Variants in ADAMTSL1 observed in about 807,000 individuals in gnomAD.
The protein encoded by ADAMTSL1 is ADAMTS like 1, also known as ADAMTS-like protein 1.
Under a neutral mutation model 201.8 loss-of-function variants are expected in ADAMTSL1, and 126 were observed. That is an observed-to-expected ratio of 0.62 (90% confidence interval 0.54 to 0.72). ADAMTSL1 has a LOEUF of 0.72. Among genes scored for constraint, ADAMTSL1 ranks in the 30% least tolerant of loss-of-function variants. The pLI, the probability that ADAMTSL1 is intolerant of heterozygous loss-of-function variation, is 0.00. For synonymous variants in ADAMTSL1, 1,121 were observed against 903.4 expected (o/e 1.24, Z -4.32); for missense variants, 2,679 against 2,277.8 (o/e 1.18, Z -3.59).
At chr9:18,220,611 A>G (rs1830220062) in intron 2 of ADAMTSL1, among the ~76,000 whole-genome samples, 1 of 152,076 alleles carries the variant, frequency 6.6e-6, no homozygotes, top group Non-Finnish European at 1.5e-5. Flanking sequence ...GTAGTTGTGA[A>G]TACTGGCATG....
At chr9:18,473,584 CAA>C (rs1342110620), upstream of ADAMTSL1, among the ~76,000 whole-genome samples, 5 of 151,984 alleles carry the variant, frequency 3.3e-5, no homozygotes, top group African/African-American at 1.2e-4. Context: ...TTTTGCAAGT[CAA>C]GAGAGAAAGT....
chr9:18,381,755 A>G (rs147501792), intron 2 of ADAMTSL1, among the ~76,000 whole-genome samples: 11 of 152,224 alleles, frequency 7.2e-5, no homozygotes, highest in Non-Finnish European at 1.6e-4. Flanking sequence ...AAAACTATGT[A>G]TCACCGAGAA....
At chr9:18,527,148 A>T (rs928890429) in intron 2 of ADAMTSL1, among the ~76,000 whole-genome samples, 10 of 152,182 alleles carry the variant, frequency 6.6e-5, no homozygotes, top group Admixed American at 5.2e-4. Context: ...AGCAAAAAGA[A>T]AAAAACCAGA....
chr9:18,076,848 T>TAGG (rs1823251751), intron 1 of ADAMTSL1, among the ~76,000 whole-genome samples: 2 of 151,752 alleles, frequency 1.3e-5, no homozygotes, highest in Non-Finnish European at 2.9e-5. Flanking sequence ...TGGCAGAAAA[T>TAGG]AGGAGGAAAA....
At chr9:18,892,770 T>G (rs1408555044) in intron 26 of ADAMTSL1, among the ~76,000 whole-genome samples, 174 bp downstream of exon 26, 2 of 152,190 alleles carry the variant, frequency 1.3e-5, no homozygotes, top group Non-Finnish European at 2.9e-5. Context: ...CAGCAGGCTT[T>G]TAATTCTTTG....
chr9:18,504,659 CT>C (rs1315820472), intron 1 of ADAMTSL1, among the ~76,000 whole-genome samples, 169 bp from the exon 2 acceptor site: 2 of 152,202 alleles, frequency 1.3e-5, no homozygotes, highest in African/African-American at 2.4e-5. Flanking sequence ...ATCCCTCCCC[CT>C]GAACATATAG....
At chr9:18,574,983 G>T (rs1233474269) in intron 4 of ADAMTSL1, among the ~76,000 whole-genome samples, 1 of 152,114 alleles carries the variant, frequency 6.6e-6, no homozygotes, top group Non-Finnish European at 1.5e-5. Flanking sequence ...GGAGCAAGCA[G>T]TTGCTATTGT....
chr9:18,260,229 T>C (rs573337077), intron 2 of ADAMTSL1, among the ~76,000 whole-genome samples: 50 of 152,358 alleles, frequency 3.3e-4, no homozygotes, highest in African/African-American at 1.1e-3. Flanking sequence ...TGCTGAGTCT[T>C]CTACCCACTG....
In ADAMTSL1 at chr9:17,999,993, C is replaced by G. The variant is rs548744508; in HGVS notation, c.87+93071C>G. Reference sequence around the variant, plus strand: ...TGTATATGTGCCACATTTTCTTAATCCAGTCTATCATTGTTGGACATTTGG... The same window carrying G: ...TGTATATGTGCCACATTTTCTTAATGCAGTCTATCATTGTTGGACATTTGG... On this transcript the variant is annotated intron_variant, in intron 1 of 29. Transcript: ENST00000680146. 2.8e-4 allele frequency among the ~76,000 whole-genome samples: 40 copies of G among 145,090 alleles called. No homozygotes were observed. In the East Asian group the frequency reaches 7.2e-3, roughly 26 times the overall value.
At chr9:18,349,664 A>G (rs1835878066) in intron 2 of ADAMTSL1, among the ~76,000 whole-genome samples, 1 of 152,140 alleles carries the variant, frequency 6.6e-6, no homozygotes, top group South Asian at 2.1e-4. Flanking sequence ...AGCTTTAGAA[A>G]ATTACACCTA....
chr9:17,984,995 G>T (rs1005264646), intron 1 of ADAMTSL1, among the ~76,000 whole-genome samples: 6 of 152,130 alleles, frequency 3.9e-5, no homozygotes, highest in African/African-American at 1.4e-4. Context: ...AGCTTTGTGA[G>T]AGCAGAATAG....
At chr9:17,945,557 G>T (rs1458539278) in intron 1 of ADAMTSL1, among the ~76,000 whole-genome samples, 1 of 151,950 alleles carries the variant, frequency 6.6e-6, no homozygotes, top group Non-Finnish European at 1.5e-5. Context: ...CAAAGACTTG[G>T]AACCAACCCA....
chr9:18,799,806 G>C (rs1270262918), intron 20 of ADAMTSL1, among the ~76,000 whole-genome samples: 1 of 152,132 alleles, frequency 6.6e-6, no homozygotes, highest in Non-Finnish European at 1.5e-5. Flanking sequence ...AGAGATCACA[G>C]AAACCTCACT....
chr9:18,817,187 C>T lies in ADAMTSL1; in HGVS notation c.3884C>T (p.Thr1295Ile). ...GCAGTCACAGTCGATATAGGAAGCA[C>T]CATCAAAACAGTGCAGGGAGTGAAT... ...KPAVTVDIGS[T>I]IKTVQGVNVT... The change falls in exon 21 of 29, where the codon ACC becomes ATC. Residue 1295 changes from threonine to isoleucine, a missense_variant. Transcript: ENST00000380548. 2 of 1,576,302 alleles carry T rather than the reference C, an allele frequency of 1.3e-6. No individual in the cohort carries two copies. Among genetic ancestry groups the T allele is most frequent in the Non-Finnish European group, 1.7e-6 (2 of 1,160,118 alleles).
chr9:18,607,702 T>C lies in ADAMTSL1; in HGVS notation c.475-14541T>C, dbSNP rs867865342. On this transcript the variant is annotated intron_variant, in intron 4 of 28. Coordinates refer to ENST00000380548, the MANE Select transcript of ADAMTSL1 (RefSeq NM_001040272.6). The stretch of plus-strand genomic sequence containing the variant: ...TTAACTCATCATTTAGCATTAGGTA[T>C]ATTTCCTAATGCTATCCCTCCCCCC... Among the ~76,000 whole-genome samples the C allele has an allele frequency of 5.9e-5, 9 of 152,208 alleles. No individual in the cohort carries two copies. The Middle Eastern group carries it at 0.01, about 173-fold the overall frequency.
chr9:18,856,905 A>G (rs1424020540), intron 23 of ADAMTSL1, among the ~76,000 whole-genome samples: 2 of 152,176 alleles, frequency 1.3e-5, no homozygotes, highest in African/African-American at 2.4e-5. Flanking sequence ...AAAGGGGGAA[A>G]ATTGTTCAAA....
At chr9:18,178,747 G>A (rs1016957319) in intron 2 of ADAMTSL1, among the ~76,000 whole-genome samples, 3 of 152,098 alleles carry the variant, frequency 2.0e-5, no homozygotes, top group Admixed American at 6.5e-5. Context: ...TAACTGGGAG[G>A]CACCCCCAAG....
At chr9:18,603,376 CTA>C (rs1824791356) in intron 4 of ADAMTSL1, among the ~76,000 whole-genome samples, 1 of 151,588 alleles carries the variant, frequency 6.6e-6, no homozygotes, top group Non-Finnish European at 1.5e-5. Flanking sequence ...CTATGCTATG[CTA>C]TGCTATGCTA....
intron 2 of ADAMTSL1, among the ~76,000 whole-genome samples, chr9:18,441,245 A>G (rs73417101): frequency 0.041 from 6,289 of 152,278 alleles, 409 homozygotes; most frequent in African/African-American, 0.14. Flanking sequence ...AATCTTATAC[A>G]GTCAAAACCA....
Sources: allele counts gnomAD v4.1 joint callset (sites outside exome capture counted in the v4.1 genomes callset), GRCh38; gene constraint gnomAD v4.1.1; transcripts MANE v1.5; gene names NCBI Gene and HGNC (gene_info 2026-07-23, HGNC 2026-07-21).